Variants in IFT80 observed in about 807,000 individuals in gnomAD.
The protein encoded by IFT80 is intraflagellar transport protein 80 homolog.
In IFT80, 79 loss-of-function variants were observed where a neutral mutation model predicts 107.9. The ratio of observed to expected loss-of-function variants is 0.73; its 90% CI spans 0.61 to 0.88. The LOEUF (loss-of-function observed/expected upper bound fraction) is 0.88, where lower values mean the gene tolerates loss of function less well. IFT80 is among the 40% of genes least tolerant of loss of function. IFT80 has a pLI of 0.00. For missense variants in IFT80, 797 were observed against 914.2 expected (o/e 0.87, Z 1.65); for synonymous variants, 299 against 300.9 (o/e 0.99, Z 0.07).
At chr3:160,341,652 A>G (rs79735477) in intron 8 of IFT80, among the ~76,000 whole-genome samples, 1 of 151,406 alleles carries the variant, frequency 6.6e-6, no homozygotes, top group Admixed American at 6.6e-5. Flanking sequence ...TCTCTCAAAT[A>G]AAAAAAAATG....
chr3:160,353,254 C>T (rs1197925717), intron 8 of IFT80, among the ~76,000 whole-genome samples: 2 of 152,126 alleles, frequency 1.3e-5, no homozygotes, highest in Non-Finnish European at 2.9e-5. Context: ...TACTCAATTG[C>T]CAACCTCACT....
At chr3:160,331,858 T>C (rs1310810983) in intron 8 of IFT80, among the ~76,000 whole-genome samples, 2 of 152,150 alleles carry the variant, frequency 1.3e-5, no homozygotes, top group South Asian at 2.1e-4. Context: ...ATAAGGTCTA[T>C]GTTGCCCAGG....
intron 8 of IFT80, among the ~76,000 whole-genome samples, chr3:160,342,296 C>T (rs1184016812): frequency 6.6e-6 from 1 of 152,128 alleles, no homozygotes; most frequent in Admixed American, 6.5e-5. Flanking sequence ...CATGCTAATG[C>T]TACTCTTACA....
chr3:160,278,895 T>A (rs1258091902), intron 16 of IFT80, among the ~76,000 whole-genome samples: 1 of 152,200 alleles, frequency 6.6e-6, no homozygotes, highest in Non-Finnish European at 1.5e-5. Flanking sequence ...AATCCAGATA[T>A]AATGAATTAG....
intron 4 of IFT80, 142 bp from the exon 5 acceptor site, chr3:160,376,022 A>G (rs1711992932): frequency 1.6e-6 from 1 of 625,204 alleles, no homozygotes; most frequent in East Asian, 2.8e-5. Context: ...ATATTACTAC[A>G]TATTTAAAAT....
intron 6 of IFT80, 145 bp from the exon 7 acceptor site, chr3:160,357,723 T>G: frequency 1.6e-6 from 1 of 606,230 alleles, no homozygotes; most frequent in Non-Finnish European, 3.0e-6. Flanking sequence ...CAATGTACAA[T>G]ACCTCATTTG....
At chr3:160,308,116 T>C (rs746375955) in intron 9 of IFT80, among the ~76,000 whole-genome samples, 1 of 152,114 alleles carries the variant, frequency 6.6e-6, no homozygotes, top group Non-Finnish European at 1.5e-5. Context: ...CATATTGAAG[T>C]TGGAAAGATT....
intron 19 of IFT80, among the ~76,000 whole-genome samples, chr3:160,264,033 CT>C (rs1713082764): frequency 6.6e-6 from 1 of 151,762 alleles, no homozygotes; most frequent in Non-Finnish European, 1.5e-5. Flanking sequence ...AAATCCTGGG[CT>C]CAAGTGATCC....
intron 8 of IFT80, among the ~76,000 whole-genome samples, chr3:160,328,369 G>A (rs1200379005): frequency 6.6e-6 from 1 of 150,942 alleles, no homozygotes; most frequent in Non-Finnish European, 1.5e-5. Flanking sequence ...GGCTGAGGCA[G>A]GAGAATCACT....
intron 18 of IFT80, among the ~76,000 whole-genome samples, chr3:160,269,378 T>C (rs950413437): frequency 7.9e-5 from 12 of 152,192 alleles, no homozygotes; most frequent in Non-Finnish European, 1.5e-4. Context: ...ATTATTACTA[T>C]AGCAAATTAA....
intron 8 of IFT80, chr3:160,342,841 CA>C (rs1720015186): frequency 6.6e-6 from 1 of 152,336 alleles, no homozygotes; most frequent in Admixed American, 6.6e-5. Context: ...GTATATAAAA[CA>C]AAGAACAACA....
intron 9 of IFT80, among the ~76,000 whole-genome samples, chr3:160,318,618 T>C (rs1377500320): frequency 6.6e-6 from 1 of 152,196 alleles, no homozygotes; most frequent in South Asian, 2.1e-4. Flanking sequence ...TGATATCCTT[T>C]GACCTGTAAA....
At chr3:160,391,574 G>C (rs1032795945) in intron 1 of IFT80, 10 of 152,188 alleles carry the variant, frequency 6.6e-5, no homozygotes, top group Non-Finnish European at 1.2e-4. Flanking sequence ...AGGAGGCTGA[G>C]GCAGGAGAAT....
At chr3:160,298,566 T>C (rs999979725) in intron 12 of IFT80, among the ~76,000 whole-genome samples, 1 of 152,116 alleles carries the variant, frequency 6.6e-6, no homozygotes, top group Admixed American at 6.5e-5. Flanking sequence ...TGAAATATGT[T>C]CCAGATGTGA....
chr3:160,283,774 AG>A (rs376246411), intron 13 of IFT80, among the ~76,000 whole-genome samples: 7 of 152,360 alleles, frequency 4.6e-5, no homozygotes, highest in African/African-American at 1.7e-4. Flanking sequence ...TAGTAATTAT[AG>A]TAATGCCTAT....
chr3:160,359,582 C>T (rs966319165), intron 6 of IFT80, among the ~76,000 whole-genome samples: 4 of 152,078 alleles, frequency 2.6e-5, no homozygotes, highest in Non-Finnish European at 4.4e-5. Context: ...AGTTAGGGGC[C>T]GATTGACACC....
chr3:160,306,693 T>A (rs1716854117), intron 10 of IFT80, among the ~76,000 whole-genome samples: 1 of 152,218 alleles, frequency 6.6e-6, no homozygotes, highest in Admixed American at 6.5e-5. Flanking sequence ...AATTGCAGAT[T>A]CTGATTAGTA....
At chr3:160,274,957 T>C (rs1464635708) in intron 18 of IFT80, among the ~76,000 whole-genome samples, 1 of 152,222 alleles carries the variant, frequency 6.6e-6, no homozygotes, top group East Asian at 1.9e-4. Context: ...GTACCAGCCA[T>C]AGATAATTGA....
chr3:160,313,207 T>TA (rs919660860), intron 9 of IFT80, among the ~76,000 whole-genome samples: 1 of 144,206 alleles, frequency 6.9e-6, no homozygotes, highest in African/African-American at 2.6e-5. Flanking sequence ...TTTTTTTTTT[T>TA]AAAGATCCAA....
Sources: allele counts gnomAD v4.1 joint callset (sites outside exome capture counted in the v4.1 genomes callset), GRCh38; gene constraint gnomAD v4.1.1; transcripts MANE v1.5; gene names NCBI Gene and HGNC (gene_info 2026-07-23, HGNC 2026-07-21).